PKP3: variants seen among roughly 807,000 people sequenced by gnomAD.
The protein encoded by PKP3 is plakophilin 3.
In PKP3, 66 loss-of-function variants were observed where a neutral mutation model predicts 76.5. The observed-to-expected ratio is 0.86, with a 90% CI of 0.71 to 1.06. PKP3 has a LOEUF of 1.06. Ranked by LOEUF, PKP3 falls within the 50% of genes least tolerant of loss-of-function variation. The pLI is 0.00. For missense variants in PKP3, 1,338 were observed against 1,141.0 expected, an observed-to-expected ratio of 1.17 and a Z score of -2.49; for synonymous variants, 638 against 516.5, an observed-to-expected ratio of 1.24 and a Z score of -3.19.
At position 400,120 on chromosome 11, in the gene PKP3, A is replaced by G; in HGVS notation, c.1427A>G (p.Tyr476Cys). The change falls in exon 6 of 13, where the codon TAC (tyrosine) becomes TGC (cysteine). Residue 476 changes from tyrosine to cysteine, a missense_variant. Coordinates refer to ENST00000331563, the MANE Select transcript of PKP3 (RefSeq NM_007183.4). ...AACGCCTCGGAGGCAGAGATCTTCT[A>G]CAACGCCACCGGCTTCCTCAGGTGC... is the stretch of plus-strand genomic sequence containing the variant. The part of the protein sequence containing the change: ...QQNASEAEIF[Y>C]NATGFLRNLS... 5 of 1,570,048 alleles carry G rather than the reference A, an allele frequency of 3.2e-6. No homozygotes were observed. In the Middle Eastern group the frequency reaches 9.4e-4, roughly 295 times the overall value.
At chr11:400,487 C>A (rs779419059) in intron 7 of PKP3, 36 bp downstream of exon 7, 1 of 1,508,892 alleles carries the variant, frequency 6.6e-7, no homozygotes, top group Non-Finnish European at 8.9e-7. Flanking sequence ...GCCGTGCCCC[C>A]GGGCCGCCGC....
At chr11:399,508 A>G (rs1185425149) in intron 5 of PKP3, among the ~76,000 whole-genome samples, 40 of 9,476 alleles carry the variant, frequency 4.2e-3, no homozygotes, top group African/African-American at 0.023. Flanking sequence ...CCCTCTGCCT[A>G]TCCCCCACCT....
At chr11:392,753 GC>G, upstream of PKP3, 1 of 1,114,508 alleles carries the variant, frequency 9.0e-7, no homozygotes, top group Non-Finnish European at 1.2e-6. Flanking sequence ...CCACCTGGTG[GC>G]CCCAGCCCGG....
upstream of PKP3, chr11:393,561 G>A (rs1847003434): frequency 6.6e-6 from 1 of 152,204 alleles, no homozygotes. Flanking sequence ...GCAGGCTTCG[G>A]GGGAGGGCCG....
At chr11:395,333 T>C (rs1350331964) in intron 1 of PKP3, among the ~76,000 whole-genome samples, 6 of 152,118 alleles carry the variant, frequency 3.9e-5, no homozygotes, top group African/African-American at 1.2e-4. Flanking sequence ...ACTTGGTGTT[T>C]AGAGGGGCCT....
Position 394,436 on chromosome 11 carries a change from G to T in PKP3, c.144G>T (p.Glu48Asp). 1 of 1,461,056 alleles carries T rather than the reference G, an allele frequency of 6.8e-7. No homozygotes were observed. Among genetic ancestry groups the T allele is most frequent in the Admixed American group, 2.6e-5 (1 of 38,998 alleles). 90.5% of individuals were successfully genotyped at this position (1,461,056 alleles called of 1,614,324 possible). A position where few individuals can be genotyped will look rare whatever the true frequency, so the allele number is the denominator to read the frequency against. The part of the protein sequence containing the change: ...AERLRAARVQ[E>D]QVRARLLQLG... Reference sequence around the variant, plus strand: ...GGCTGCGGGCAGCCCGCGTCCAGGAGCAGGTCCGCGCCCGCCTCTTGCAGC... The same window carrying T: ...GGCTGCGGGCAGCCCGCGTCCAGGATCAGGTCCGCGCCCGCCTCTTGCAGC... The change falls in exon 1 of 13, where the codon GAG becomes GAT. Residue 48 changes from glutamate to aspartate, a missense_variant. Physicochemically the swap from Glu to Asp is conservative, Grantham distance 45. Transcript: ENST00000331563.
At position 404,339 on chromosome 11, in the gene PKP3, C is replaced by A; in HGVS notation, c.2358+16C>A. On this transcript the variant is annotated intron_variant, in intron 12 of 12. Coordinates refer to ENST00000331563, the MANE Select transcript of PKP3 (RefSeq NM_007183.4). The surrounding 1 kb of genome is among the most constrained non-coding windows in gnomAD (Gnocchi z 4.2). ...CTTCCGGGCGGTACGTTTCCCGAGC[C>A]CAGGGCAAGCAGGGACCCGGGTGCA... The A allele has an allele frequency of 6.2e-7, 1 of 1,606,860 alleles. No homozygotes were observed. The highest frequency in any genetic ancestry group is 8.5e-7 in the Non-Finnish European group (1 of 1,174,686).
In PKP3 at chr11:394,436, G is replaced by C. The variant is rs1436623757; in HGVS notation, c.144G>C (p.Glu48Asp). ...AERLRAARVQ[E>D]QVRARLLQLG... ...GGCTGCGGGCAGCCCGCGTCCAGGA[G>C]CAGGTCCGCGCCCGCCTCTTGCAGC... Residue 48 changes from glutamate to aspartate, a missense_variant, in exon 1 of 13, where the codon GAG (glutamate) becomes GAC (aspartate). Coordinates refer to ENST00000331563, the MANE Select transcript of PKP3 (RefSeq NM_007183.4). The C allele has an allele frequency of 1.4e-6, 2 of 1,460,944 alleles. No individual in the cohort carries two copies. Among genetic ancestry groups the C allele is most frequent in the Non-Finnish European group, 1.8e-6 (2 of 1,114,780 alleles). 90.5% of individuals were successfully genotyped at this position (1,460,944 alleles called of 1,614,324 possible).
intron 7 of PKP3, 34 bp downstream of exon 7, chr11:400,485 CCCGGG>C (rs1847134328): frequency 6.6e-7 from 1 of 1,515,096 alleles, no homozygotes; most frequent in African/African-American, 1.4e-5. Context: ...GGGCCGTGCC[CCCGGG>C]CCGCCGCTCT....
At chr11:400,236 C>G in intron 6 of PKP3, 95 bp downstream of exon 6, 2 of 1,412,998 alleles carry the variant, frequency 1.4e-6, no homozygotes, top group African/African-American at 2.9e-5. Flanking sequence ...ACACCGCACG[C>G]CTCGCGCTGG....
In PKP3 at chr11:399,958, G is replaced by A. The variant is rs534627634; in HGVS notation, c.1274-9G>A. The A allele has an allele frequency of 6.3e-6, 10 of 1,590,900 alleles. No homozygotes were observed. The highest frequency in any genetic ancestry group is 1.3e-5 in the African/African-American group (1 of 74,608). ...GCAGACGCTGATAGCAGCCTCCCCC[G>A]TCCTCCAGGGATCCTGTGGAACCTT... On this transcript the variant is annotated splice_polypyrimidine_tract_variant and intron_variant, in intron 5 of 12. Transcript: ENST00000331563.
In PKP3 at chr11:404,099, T is replaced by A; in HGVS notation, c.2234T>A (p.Leu745His). Residue 745 changes from leucine (L) to histidine (H), a missense_variant, in exon 11 of 13, where the codon CTC becomes CAC. Transcript: ENST00000331563. This position sits in a 1 kb window ranked among gnomAD's most constrained non-coding sequence, Gnocchi z 4.2. ...AARDLLYFDGLRKLIFIKKKR... is the reference protein window; with the variant it reads ...AARDLLYFDGHRKLIFIKKKR... ...CGAGACCTGCTGTATTTTGACGGACTCCGAAAGCTCATCTTCATCAAGAAG... is the reference window on the plus strand; with the variant it reads ...CGAGACCTGCTGTATTTTGACGGACACCGAAAGCTCATCTTCATCAAGAAG... 1 of 1,611,604 alleles carries A rather than the reference T, an allele frequency of 6.2e-7. No homozygotes were observed. Among genetic ancestry groups the A allele is most frequent in the South Asian group, 1.1e-5 (1 of 91,008 alleles).
intron 4 of PKP3, 129 bp from the exon 5 acceptor site, chr11:398,862 TC>T: frequency 1.4e-6 from 1 of 693,270 alleles, no homozygotes; most frequent in Non-Finnish European, 2.3e-6. Flanking sequence ...CGCACACACC[TC>T]CGTCACCTCC....
In PKP3 at chr11:394,423, C is replaced by T. The variant is rs1036359390; in HGVS notation, c.131C>T (p.Ala44Val). ...EGPEAERLRAARVQEQVRARL... is the reference protein window; with the variant it reads ...EGPEAERLRAVRVQEQVRARL... ...CCGGAGGCCGAGCGGCTGCGGGCAG[C>T]CCGCGTCCAGGAGCAGGTCCGCGCC... The change falls in exon 1 of 13, where the codon GCC (alanine) becomes GTC (valine). Residue 44 changes from alanine to valine, a missense_variant. Transcript: ENST00000331563. 16 of 1,469,770 alleles carry T rather than the reference C, an allele frequency of 1.1e-5. No individual in the cohort carries two copies. The East Asian group carries it at 3.7e-4, about 34-fold the overall frequency. The allele number at this position is 1,469,770 out of a possible 1,614,324, so 91.0% of individuals were successfully genotyped here.
At position 404,180 on chromosome 11, in the gene PKP3, C is replaced by G. The variant is rs758373013; in HGVS notation, c.2270+45C>G. On this transcript the variant is annotated intron_variant, in intron 11 of 12. Transcript: ENST00000331563. The surrounding 1 kb of genome is among the most constrained non-coding windows in gnomAD (Gnocchi z 4.2). Reference sequence around the variant, plus strand: ...TGCAGCAGCCTGGTCAGGGGTCCTCCCAGTCCACCCTGCTTTCTGGCTGTG... The same window carrying G: ...TGCAGCAGCCTGGTCAGGGGTCCTCGCAGTCCACCCTGCTTTCTGGCTGTG... The G allele has an allele frequency of 1.2e-6, 2 of 1,607,898 alleles. No individual in the cohort carries two copies. The highest frequency in any genetic ancestry group is 2.2e-5 in the South Asian group (2 of 90,848).
rs1847193020 is a variant in PKP3 at position 403,472 on chromosome 11, C to A, written c.1924-146C>A. ...GGGAGGCACCTGATCCGGGCTGCGGCTGATTCCCCCCGGCTGGGGGGCAAA... is the reference window on the plus strand; with the variant it reads ...GGGAGGCACCTGATCCGGGCTGCGGATGATTCCCCCCGGCTGGGGGGCAAA... On this transcript the variant is annotated intron_variant, in intron 9 of 12. Transcript: ENST00000331563. 10 of 857,980 alleles carry A rather than the reference C, an allele frequency of 1.2e-5. No homozygotes were observed. In the South Asian group the frequency reaches 1.5e-4, roughly 13 times the overall value. 53.1% of individuals were successfully genotyped at this position (857,980 alleles called of 1,614,324 possible). A position where few individuals can be genotyped will look rare whatever the true frequency, so the allele number is the denominator to read the frequency against.
upstream of PKP3, chr11:392,762 C>T (rs553838235): frequency 5.1e-5 from 50 of 976,402 alleles, no homozygotes; most frequent in East Asian, 2.3e-3. Flanking sequence ...GGCCCCAGCC[C>T]GGGCCTCACC....
At chr11:394,153 T>C, upstream of PKP3, 1 of 1,292,022 alleles carries the variant, frequency 7.7e-7, no homozygotes, top group Non-Finnish European at 1.0e-6. Context: ...CGCTCAGGGC[T>C]GGGCAGGCGT....
Position 403,983 on chromosome 11 carries a change from C to G in PKP3, c.2118C>G (p.Gly706=). The G allele has an allele frequency of 6.2e-7, 1 of 1,609,036 alleles. No homozygotes were observed. The part of the protein sequence containing the change: ...VVSHLIEKLP[G]SVGEKSPPAE... ...GCCACCTGATCGAGAAGCTGCCGGG[C>G]AGCGTGGGTGAGAAGTCGCCCCCAG... Residue 706 remains glycine, a synonymous_variant, in exon 11 of 13, where the codon GGC becomes GGG. Coordinates refer to ENST00000331563, the MANE Select transcript of PKP3 (RefSeq NM_007183.4).
Sources: allele counts gnomAD v4.1 joint callset (sites outside exome capture counted in the v4.1 genomes callset), GRCh38; gene constraint gnomAD v4.1.1; non-coding constraint Gnocchi (gnomAD v3.1); transcripts MANE v1.5; gene names NCBI Gene and HGNC (gene_info 2026-07-23, HGNC 2026-07-21).